TENM1: variants seen among roughly 807,000 people sequenced by gnomAD.
The protein encoded by TENM1 is teneurin-1.
Under a neutral mutation model 174.8 loss-of-function variants are expected in TENM1, and 35 were observed. The ratio of observed to expected loss-of-function variants is 0.20; its 90% CI spans 0.15 to 0.27. The LOEUF (loss-of-function observed/expected upper bound fraction) is 0.27. TENM1 is among the 10% of genes least tolerant of loss of function. TENM1 has a pLI of 1.00. For synonymous variants in TENM1, 781 were observed against 798.7 expected, an observed-to-expected ratio of 0.98 and a Z score of 0.37; for missense variants, 1,633 against 2,130.1, an observed-to-expected ratio of 0.77 and a Z score of 4.59.
chrX:125,112,520 G>A, the TENM1 span, among the ~76,000 whole-genome samples: 1 of 111,065 alleles, frequency 9.0e-6, no homozygotes, highest in African/African-American at 3.3e-5. Context: ...TCATTGAGGA[G>A]AATATATGCC....
At chrX:125,193,977 T>G in the TENM1 span, among the ~76,000 whole-genome samples, 1 of 109,800 alleles carries the variant, frequency 9.1e-6, no homozygotes, top group African/African-American at 3.3e-5. Context: ...AGAGATGGGG[T>G]CTCACTATGT....
rs756069114 is a variant in TENM1, at chrX:124,437,412, G to A, written c.4105-14774C>T. Among the ~76,000 whole-genome samples the A allele has an allele frequency of 2.1e-3, 239 of 111,224 alleles. 2 individuals are homozygous for A. The highest frequency in any genetic ancestry group is 7.3e-3 in the African/African-American group (223 of 30,606). ...CCAGAGACTTTGCTATGAAAGTCCA[G>A]AAATCCACTGTGCTTGGATGTTATA... On this transcript the variant is annotated intron_variant, in intron 23 of 31. Coordinates refer to ENST00000422452, the Ensembl canonical transcript of TENM1.
chrX:125,085,723 T>C, the TENM1 span, among the ~76,000 whole-genome samples: 4 of 111,171 alleles, frequency 3.6e-5, no homozygotes, highest in African/African-American at 1.3e-4. Flanking sequence ...TACTGATTTA[T>C]AAGAGATATT....
chrX:124,641,633 T>C (rs1188097404), intron 11 of TENM1, among the ~76,000 whole-genome samples, 158 bp downstream of exon 14: 1 of 112,125 alleles, frequency 8.9e-6, no homozygotes, highest in Non-Finnish European at 1.9e-5. Flanking sequence ...CAGCGTATTA[T>C]AAATAAAAAT....
At chrX:125,001,852 T>TAGATACACACACAC in the TENM1 span, among the ~76,000 whole-genome samples, 9 of 84,925 alleles carry the variant, frequency 1.1e-4, no homozygotes, top group South Asian at 1.2e-3. Flanking sequence ...TATAGATAGA[T>TAGATACACACACAC]ACACACACAC....
chrX:124,504,109 C>G (rs745604788), intron 18 of TENM1, among the ~76,000 whole-genome samples: 3 of 111,661 alleles, frequency 2.7e-5, no homozygotes, highest in Non-Finnish European at 5.7e-5. Context: ...TTTTTTACCA[C>G]TATAGTGAAA....
intron 17 of TENM1, among the ~76,000 whole-genome samples, chrX:124,522,392 A>C (rs761672907): frequency 3.6e-5 from 4 of 111,634 alleles, no homozygotes; most frequent in African/African-American, 1.3e-4. Flanking sequence ...ATTATCATTA[A>C]AATGTTTCTA....
At chrX:125,004,040 G>C in the TENM1 span, among the ~76,000 whole-genome samples, 3 of 111,930 alleles carry the variant, frequency 2.7e-5, no homozygotes, top group South Asian at 1.1e-3. Flanking sequence ...TTCTATTATA[G>C]AATTAAGACT....
chrX:125,137,119 G>A, the TENM1 span, among the ~76,000 whole-genome samples: 3 of 111,451 alleles, frequency 2.7e-5, no homozygotes, highest in Non-Finnish European at 5.7e-5. Flanking sequence ...GTGGAGTGGT[G>A]GTTGTGCCTG....
intron 15 of TENM1, among the ~76,000 whole-genome samples, chrX:124,534,641 C>T (rs1004710612): frequency 1.6e-4 from 18 of 111,891 alleles, no homozygotes; most frequent in Non-Finnish European, 2.6e-4. Flanking sequence ...CATTCAAAAT[C>T]AAGGACCTAG....
chrX:124,750,498 T>C (rs1157450316), intron 3 of TENM1, among the ~76,000 whole-genome samples: 1 of 112,260 alleles, frequency 8.9e-6, no homozygotes, highest in Non-Finnish European at 1.9e-5. Flanking sequence ...GTTTTTATTT[T>C]TGGCCCTCTA....
At chrX:125,147,958 A>T in the TENM1 span, among the ~76,000 whole-genome samples, 1 of 111,628 alleles carries the variant, frequency 9.0e-6, no homozygotes, top group African/African-American at 3.3e-5. Context: ...ATTCATAGAG[A>T]AATCAAGTCG....
upstream of TENM1, among the ~76,000 whole-genome samples, chrX:124,967,841 C>T (rs1272459176): frequency 9.0e-6 from 1 of 111,673 alleles, no homozygotes; most frequent in Non-Finnish European, 1.9e-5. Context: ...CTTCCTGCTC[C>T]AACCCATCCT....
At chrX:124,674,924 G>C (rs1407734534) in intron 5 of TENM1, among the ~76,000 whole-genome samples, 1 of 111,628 alleles carries the variant, frequency 9.0e-6, no homozygotes, top group Non-Finnish European at 1.9e-5. Context: ...AGAAGACTAA[G>C]GGGGCTATTT....
chrX:125,064,449 C>A, the TENM1 span, among the ~76,000 whole-genome samples: 8 of 111,331 alleles, frequency 7.2e-5, no homozygotes, highest in Non-Finnish European at 1.3e-4. Flanking sequence ...ATAGTGAAAT[C>A]ATTGATGCTT....
chrX:124,574,421 T>C (rs757012813), intron 11 of TENM1, among the ~76,000 whole-genome samples: 1 of 111,685 alleles, frequency 9.0e-6, no homozygotes, highest in South Asian at 3.7e-4. Flanking sequence ...GTTTCTAAAG[T>C]ATACATTTAT....
rs761777842 is a variant in TENM1 at position 124,425,665 on chromosome X, G to T, written c.4105-3027C>A. Among the ~76,000 whole-genome samples the T allele has an allele frequency of 1.7e-4, 19 of 112,338 alleles. No individual in the cohort carries two copies. The South Asian group carries it at 6.6e-3, about 39-fold the overall frequency. ...TTTCTTCATAAATTACCCAGTCTGT[G>T]ATATTCTGTTATAGCAACAAAAAAC... On this transcript the variant is annotated intron_variant, in intron 23 of 31. Transcript: ENST00000422452.
At chrX:125,014,324 G>T in the TENM1 span, among the ~76,000 whole-genome samples, 1 of 112,569 alleles carries the variant, frequency 8.9e-6, no homozygotes, top group Non-Finnish European at 1.9e-5. Context: ...AAGCTTTTCA[G>T]ATTTGTATGT....
In TENM1 at chrX:124,665,820, G is replaced by A. The variant is rs182169287; in HGVS notation, c.1168+5863C>T. Among the ~76,000 whole-genome samples the A allele has an allele frequency of 9.8e-5, 11 of 112,053 alleles. No individual in the cohort carries two copies. In the East Asian group the frequency reaches 2.8e-3, roughly 29 times the overall value. ...TGCCAGGAATCTGCCCCCTTCCCTC[G>A]CCATATCTGGAGAAACTTGGCTTTT... On this transcript the variant is annotated intron_variant, in intron 6 of 31. Coordinates refer to ENST00000422452, the Ensembl canonical transcript of TENM1.
Sources: allele counts gnomAD v4.1 joint callset (sites outside exome capture counted in the v4.1 genomes callset), GRCh38; gene constraint gnomAD v4.1.1; transcripts MANE v1.5; gene names NCBI Gene and HGNC (gene_info 2026-07-23, HGNC 2026-07-21).